COL22A1: variants seen among roughly 807,000 people sequenced by gnomAD.
COL22A1 encodes the protein collagen alpha-1(XXII) chain.
Under a neutral mutation model 248.9 loss-of-function variants are expected in COL22A1, and 221 were observed. The observed-to-expected ratio is 0.89, with a 90% CI of 0.80 to 0.99. COL22A1 has a LOEUF of 0.99. Among genes scored for constraint, COL22A1 ranks in the 50% least tolerant of loss-of-function variants. COL22A1 has a pLI of 0.00. For missense variants in COL22A1, 2,240 were observed against 2,179.0 expected (o/e 1.03, Z -0.56); for synonymous variants, 891 against 793.4 (o/e 1.12, Z -2.07).
chr8:138,609,712 G>C (rs537967562), intron 56 of COL22A1, among the ~76,000 whole-genome samples: 1 of 151,876 alleles, frequency 6.6e-6, no homozygotes, highest in African/African-American at 2.4e-5. Flanking sequence ...CCTTCGCAGG[G>C]AGGATAAGGG....
chr8:138,664,794 A>G (rs1444751443), intron 41 of COL22A1, among the ~76,000 whole-genome samples: 2 of 152,200 alleles, frequency 1.3e-5, no homozygotes, highest in African/African-American at 4.8e-5. Context: ...GAAAAATTTA[A>G]AGCACGAGGA....
At chr8:138,731,839 G>C (rs1431077007) in intron 23 of COL22A1, among the ~76,000 whole-genome samples, 1 of 152,164 alleles carries the variant, frequency 6.6e-6, no homozygotes, top group East Asian at 1.9e-4. Context: ...CATCTTCCAT[G>C]GCCTTGGGGG....
intron 22 of COL22A1, among the ~76,000 whole-genome samples, chr8:138,742,823 A>T (rs895581954): frequency 2.3e-5 from 3 of 129,658 alleles, no homozygotes; most frequent in Non-Finnish European, 5.0e-5. Context: ...GGTGGAGTTG[A>T]TGATGATGGT....
intron 59 of COL22A1, 29 bp from the exon 60 acceptor site, chr8:138,602,188 G>GC: frequency 6.2e-7 from 1 of 1,613,182 alleles, no homozygotes; most frequent in Non-Finnish European, 8.5e-7. Context: ...GACAGTCATT[G>GC]CCCCGGGCCC....
intron 52 of COL22A1, among the ~76,000 whole-genome samples, chr8:138,623,155 CT>C (rs1371221052): frequency 1.3e-5 from 2 of 151,108 alleles, no homozygotes; most frequent in African/African-American, 4.9e-5. Context: ...TTGTGTGCCC[CT>C]GGACAGCTGA....
intron 23 of COL22A1, among the ~76,000 whole-genome samples, chr8:138,729,450 G>C (rs897951321): frequency 4.6e-5 from 7 of 152,182 alleles, no homozygotes; most frequent in African/African-American, 1.7e-4. Context: ...CAGAGGTTGA[G>C]TCACTGTCTG....
At chr8:138,704,609 C>A (rs562698928) in intron 30 of COL22A1, among the ~76,000 whole-genome samples, 3 of 152,078 alleles carry the variant, frequency 2.0e-5, no homozygotes, top group Non-Finnish European at 4.4e-5. Flanking sequence ...ACATCCACAC[C>A]AACCCCATCT....
At chr8:138,757,521 G>A (rs1490644454) in intron 18 of COL22A1, among the ~76,000 whole-genome samples, 1 of 152,112 alleles carries the variant, frequency 6.6e-6, no homozygotes, top group Non-Finnish European at 1.5e-5. Context: ...ATCAACACAT[G>A]TTTTAATTAC....
chr8:138,894,318 T>C (rs555634991), intron 1 of COL22A1, among the ~76,000 whole-genome samples: 2 of 151,944 alleles, frequency 1.3e-5, no homozygotes, highest in South Asian at 4.2e-4. Flanking sequence ...CAATGAGGAG[T>C]TCTAGTGCAA....
intron 60 of COL22A1, 56 bp from the exon 61 acceptor site, chr8:138,598,954 T>C (rs1439000993): frequency 7.0e-6 from 11 of 1,578,542 alleles, no homozygotes; most frequent in Admixed American, 3.5e-5. Flanking sequence ...CTGTACCCCA[T>C]GCAGCTGCAA....
At position 138,817,544 on chromosome 8, in the gene COL22A1, C is replaced by G. The variant is rs561080782; in HGVS notation, c.1245+3592G>C. Among the ~76,000 whole-genome samples the G allele has an allele frequency of 2.0e-5, 3 of 152,234 alleles. No homozygotes were observed. In the East Asian group the frequency reaches 5.8e-4, roughly 29 times the overall value. ...ACCCAGGGGGATATAGGTGGGGAAC[C>G]AACTACTTCTACTATACTAGGGTGT... On this transcript the variant is annotated intron_variant, in intron 7 of 64. Transcript: ENST00000303045.
intron 4 of COL22A1, among the ~76,000 whole-genome samples, chr8:138,839,477 G>A (rs1304232982): frequency 6.6e-6 from 1 of 152,180 alleles, no homozygotes; most frequent in Non-Finnish European, 1.5e-5. Flanking sequence ...TCTGGCAGCA[G>A]GGCATGGAGG....
At chr8:138,855,080 G>A (rs1032125183) in intron 3 of COL22A1, among the ~76,000 whole-genome samples, 1 of 152,164 alleles carries the variant, frequency 6.6e-6, no homozygotes, top group Non-Finnish European at 1.5e-5. Flanking sequence ...CTGAGTCTCA[G>A]CTTCCTCAAT....
In COL22A1 at chr8:138,806,746, C is replaced by G. The variant is rs575126118; in HGVS notation, c.1494+1022G>C. Among the ~76,000 whole-genome samples the G allele has an allele frequency of 3.9e-5, 6 of 152,290 alleles. No homozygotes were observed. The South Asian group carries it at 1.2e-3, about 32-fold the overall frequency. ...CGGGCACTGGAACGGTAATCCTTACCCCACAGCGCCTGCTGTCTGAGGCAC... is the reference window on the plus strand; with the variant it reads ...CGGGCACTGGAACGGTAATCCTTACGCCACAGCGCCTGCTGTCTGAGGCAC... On this transcript the variant is annotated intron_variant, in intron 10 of 64. Transcript: ENST00000303045.
At chr8:138,861,840 A>G (rs1318151712) in intron 3 of COL22A1, among the ~76,000 whole-genome samples, 1 of 152,180 alleles carries the variant, frequency 6.6e-6, no homozygotes, top group African/African-American at 2.4e-5. Flanking sequence ...AAATTCATCA[A>G]GCCGTACAGT....
At chr8:138,826,601 T>C in intron 6 of COL22A1, 57 bp downstream of exon 6, 1 of 1,589,686 alleles carries the variant, frequency 6.3e-7, no homozygotes, top group Non-Finnish European at 8.6e-7. Flanking sequence ...TGCCATCCAC[T>C]GTGAGAGGGG....
At chr8:138,637,756 A>G (rs1587730979) in intron 47 of COL22A1, among the ~76,000 whole-genome samples, 2 of 152,210 alleles carry the variant, frequency 1.3e-5, no homozygotes, top group East Asian at 3.8e-4. Flanking sequence ...GACTTATGAC[A>G]GGTTGTGTGT....
intron 43 of COL22A1, among the ~76,000 whole-genome samples, chr8:138,661,050 A>G (rs1251648328): frequency 6.7e-6 from 1 of 148,992 alleles, no homozygotes; most frequent in African/African-American, 2.5e-5. Context: ...ACACACACAC[A>G]CACGCACACA....
intron 43 of COL22A1, among the ~76,000 whole-genome samples, chr8:138,660,819 T>G (rs200786244): frequency 0.018 from 2,459 of 133,614 alleles, 98 homozygotes; most frequent in African/African-American, 0.078. Context: ...CATACACACA[T>G]ACACACACAT....
Sources: allele counts gnomAD v4.1 joint callset (sites outside exome capture counted in the v4.1 genomes callset), GRCh38; gene constraint gnomAD v4.1.1; transcripts MANE v1.5; gene names NCBI Gene and HGNC (gene_info 2026-07-23, HGNC 2026-07-21).